Variants in BCAS3 observed in about 807,000 individuals in gnomAD.
BCAS3 encodes the protein BCAS3 microtubule associated cell migration factor.
BCAS3 carries 53 observed loss-of-function variants against 116.1 expected under a neutral mutation model. The ratio of observed to expected loss-of-function variants is 0.46; its 90% CI spans 0.37 to 0.57. BCAS3 has a LOEUF of 0.57. Among genes scored for constraint, BCAS3 ranks in the 20% least tolerant of loss-of-function variants. The probability of loss-of-function intolerance (pLI) is 0.00; values close to 1 mark genes in which losing one functional copy is unlikely to be tolerated. For missense variants in BCAS3, 917 were observed against 1,165.4 expected (o/e 0.79, Z 3.10); for synonymous variants, 391 against 408.2 (o/e 0.96, Z 0.51).
chr17:61,176,472 C>A (rs1486408717), intron 22 of BCAS3, among the ~76,000 whole-genome samples: 1 of 150,974 alleles, frequency 6.6e-6, no homozygotes. Context: ...GAGGCCCTGT[C>A]CCCCCATTGT....
intron 18 of BCAS3, among the ~76,000 whole-genome samples, chr17:61,038,255 G>C (rs1011259123): frequency 1.3e-5 from 2 of 150,806 alleles, no homozygotes; most frequent in African/African-American, 4.9e-5. Flanking sequence ...TGTCTCTACA[G>C]ATTAGTTTAC....
intron 22 of BCAS3, among the ~76,000 whole-genome samples, chr17:61,223,460 C>T (rs959394290): frequency 6.6e-6 from 1 of 152,076 alleles, no homozygotes; most frequent in Non-Finnish European, 1.5e-5. Context: ...CGCCCAGCCA[C>T]AGAGCTGTTT....
chr17:61,357,095 T>G (rs191934040), intron 22 of BCAS3: 3 of 151,552 alleles, frequency 2.0e-5, no homozygotes, highest in Non-Finnish European at 4.4e-5. Flanking sequence ...TTTTTTTTTT[T>G]TCTTAAAAAA....
intron 22 of BCAS3, among the ~76,000 whole-genome samples, chr17:61,127,671 T>G (rs1311078178): frequency 6.7e-6 from 1 of 148,428 alleles, no homozygotes; most frequent in Non-Finnish European, 1.5e-5. Flanking sequence ...GAAGTACAGC[T>G]ATCTTGTATG....
Position 61,300,774 on chromosome 17 carries a change from G to A in BCAS3, c.2426-67553G>A, listed in dbSNP as rs1320509756. Among the ~76,000 whole-genome samples, 2 of 151,546 alleles carry A rather than the reference G, an allele frequency of 1.3e-5. No homozygotes were observed. The highest frequency in any genetic ancestry group is 4.8e-5 in the African/African-American group (2 of 41,262). On this transcript the variant is annotated intron_variant, in intron 22 of 23. Coordinates refer to ENST00000407086, the MANE Select transcript of BCAS3 (RefSeq NM_017679.5). This position sits in a 1 kb window ranked among gnomAD's most constrained non-coding sequence, Gnocchi z 5.1. The stretch of plus-strand genomic sequence containing the variant: ...ATTTCATATCTGATTAGCTTCAATT[G>A]ACAATGTTTTCTACACTCTGATTTT...
chr17:61,253,011 C>T (rs185302795), intron 22 of BCAS3, among the ~76,000 whole-genome samples: 69 of 151,552 alleles, frequency 4.6e-4, no homozygotes, highest in Admixed American at 4.5e-3. Flanking sequence ...TCCTAAGTAG[C>T]TGGGATCACA....
chr17:61,129,672 C>G (rs1280374037), intron 22 of BCAS3, among the ~76,000 whole-genome samples: 1 of 152,184 alleles, frequency 6.6e-6, no homozygotes, highest in Non-Finnish European at 1.5e-5. Flanking sequence ...CTTGGCTGTG[C>G]TGTTGGAGAA....
intron 7 of BCAS3, among the ~76,000 whole-genome samples, chr17:60,823,895 G>A (rs1287386121): frequency 6.6e-6 from 1 of 151,990 alleles, no homozygotes; most frequent in Non-Finnish European, 1.5e-5. Context: ...CCATAGTGTT[G>A]AGGAAAAGAA....
intron 6 of BCAS3, among the ~76,000 whole-genome samples, chr17:60,796,427 G>T (rs548513930): frequency 6.6e-6 from 1 of 151,970 alleles, no homozygotes; most frequent in Non-Finnish European, 1.5e-5. Flanking sequence ...CCTGTTGAGG[G>T]TGTCTAATTC....
chr17:60,727,587 T>G, intron 5 of BCAS3: 1 of 842,142 alleles, frequency 1.2e-6, no homozygotes, highest in Non-Finnish European at 1.8e-6. Context: ...AAACAGACTT[T>G]ATTTTTAAGG....
At chr17:60,904,067 T>C (rs2058062380) in intron 11 of BCAS3, among the ~76,000 whole-genome samples, 1 of 152,198 alleles carries the variant, frequency 6.6e-6, no homozygotes, top group Admixed American at 6.5e-5. Flanking sequence ...ATTCCATGTT[T>C]TGCTGTGGAC....
intron 12 of BCAS3, among the ~76,000 whole-genome samples, chr17:60,922,781 C>A (rs1017030147): frequency 6.6e-6 from 1 of 152,042 alleles, no homozygotes; most frequent in Non-Finnish European, 1.5e-5. Context: ...AAATCAATAA[C>A]AAAATTCGAT....
chr17:60,834,953 C>G (rs566747884), intron 7 of BCAS3, among the ~76,000 whole-genome samples: 1 of 151,966 alleles, frequency 6.6e-6, no homozygotes, highest in African/African-American at 2.4e-5. Context: ...TCAAAACTAA[C>G]TGTACATGAT....
At chr17:60,936,667 G>T (rs991431345) in intron 13 of BCAS3, among the ~76,000 whole-genome samples, 7 of 152,182 alleles carry the variant, frequency 4.6e-5, no homozygotes, top group Admixed American at 6.5e-5. Flanking sequence ...CTTTTGAGAA[G>T]TGTCTGTTCA....
intron 5 of BCAS3, among the ~76,000 whole-genome samples, chr17:60,729,434 G>C (rs1482311086): frequency 7.0e-6 from 1 of 142,034 alleles, no homozygotes; most frequent in Non-Finnish European, 1.5e-5. Flanking sequence ...AATTGCCCAA[G>C]GTTTTCCAAA....
At chr17:61,085,982 C>T (rs183240664) in intron 22 of BCAS3, among the ~76,000 whole-genome samples, 2 of 152,212 alleles carry the variant, frequency 1.3e-5, no homozygotes, top group East Asian at 3.9e-4. Context: ...GTTTTATTGT[C>T]GAGTGACTAG....
intron 19 of BCAS3, among the ~76,000 whole-genome samples, chr17:61,045,943 T>TAA (rs1555685204): frequency 1.2e-3 from 20 of 16,632 alleles, no homozygotes; most frequent in Non-Finnish European, 1.5e-3. Flanking sequence ...AATATATATA[T>TAA]TATATATATA....
At position 61,161,474 on chromosome 17, in the gene BCAS3, T is replaced by C. The variant is rs1012601009; in HGVS notation, c.2425+76910T>C. Among the ~76,000 whole-genome samples the C allele has an allele frequency of 6.6e-6, 1 of 152,254 alleles. No individual in the cohort carries two copies. Among genetic ancestry groups the C allele is most frequent in the Non-Finnish European group, 1.5e-5 (1 of 68,040 alleles). ...GAGCATAGCGTTTTCAAATTTATTCTTTAAAAGACAGAGATAGTGGCACAA... is the reference window on the plus strand; with the variant it reads ...GAGCATAGCGTTTTCAAATTTATTCCTTAAAAGACAGAGATAGTGGCACAA... On this transcript the variant is annotated intron_variant, in intron 22 of 23. Transcript: ENST00000407086. The surrounding 1 kb of genome is among the most constrained non-coding windows in gnomAD (Gnocchi z 4.8).
chr17:61,040,366 A>T (rs1331670735), intron 18 of BCAS3, among the ~76,000 whole-genome samples: 1 of 152,196 alleles, frequency 6.6e-6, no homozygotes, highest in African/African-American at 2.4e-5. Flanking sequence ...ATAATAAGTC[A>T]TCCATTTACA....
Sources: allele counts gnomAD v4.1 joint callset (sites outside exome capture counted in the v4.1 genomes callset), GRCh38; gene constraint gnomAD v4.1.1; non-coding constraint Gnocchi (gnomAD v3.1); transcripts MANE v1.5; gene names NCBI Gene and HGNC (gene_info 2026-07-23, HGNC 2026-07-21).